Variants in COL21A1 observed in about 807,000 individuals in gnomAD.
The protein encoded by COL21A1 is collagen type XXI alpha 1 chain.
In COL21A1, 149 loss-of-function variants were observed where a neutral mutation model predicts 137.9. The observed-to-expected ratio is 1.08, with a 90% confidence interval of 0.95 to 1.24. The LOEUF is 1.24. Among genes scored for constraint, COL21A1 ranks in the 50% most tolerant of loss-of-function variants. COL21A1 has a pLI of 0.00. For missense variants in COL21A1, 1,167 were observed against 1,158.4 expected (o/e 1.01, Z -0.11); for synonymous variants, 456 against 391.5 (o/e 1.16, Z -1.95).
intron 16 of COL21A1, among the ~76,000 whole-genome samples, chr6:56,108,450 C>T (rs973746402): frequency 1.8e-4 from 27 of 151,832 alleles, no homozygotes; most frequent in African/African-American, 4.8e-4. Flanking sequence ...AAAAAGAAAA[C>T]GTGTAATCCT....
At chr6:56,325,914 A>G (rs1765066386) in intron 1 of COL21A1, among the ~76,000 whole-genome samples, 1 of 52,372 alleles carries the variant, frequency 1.9e-5, no homozygotes, top group Non-Finnish European at 3.0e-5. Context: ...TACATAATAT[A>G]TATTATATAA....
chr6:56,167,445 A>G (rs901290904), intron 6 of COL21A1, among the ~76,000 whole-genome samples: 1 of 152,218 alleles, frequency 6.6e-6, no homozygotes, highest in Non-Finnish European at 1.5e-5. Flanking sequence ...ATGTTTAAAT[A>G]TTTACTACAA....
At chr6:56,085,299 C>T (rs12196632) in intron 17 of COL21A1, among the ~76,000 whole-genome samples, 10,860 of 151,752 alleles carry the variant, frequency 0.072, 430 homozygotes, top group Middle Eastern at 0.12. Context: ...TAAGGATTTA[C>T]CTCTCTCATA....
chr6:56,250,495 G>C (rs1782831033), upstream of COL21A1, among the ~76,000 whole-genome samples: 1 of 152,170 alleles, frequency 6.6e-6, no homozygotes, highest in African/African-American at 2.4e-5. Flanking sequence ...CTGACAGCTT[G>C]AGGAACAACA....
intron 1 of COL21A1, among the ~76,000 whole-genome samples, chr6:56,226,592 G>A (rs938307740): frequency 2.0e-5 from 3 of 151,936 alleles, no homozygotes; most frequent in Admixed American, 2.0e-4. Context: ...CCATTTGGAG[G>A]CCAAAGCTAA....
chr6:56,156,913 C>T lies in COL21A1; in HGVS notation c.1408G>A (p.Gly470Arg), dbSNP rs1775784621. The part of the protein sequence containing the change: ...PGLPGNPGYP[G>R]QPGQDGKPGY... ...GGCTTACCATCTTGACCAGGTTGTC[C>T]AGGGTAGCCAGGGTTCCCAGGCAGT... is the stretch of plus-strand genomic sequence containing the variant. Residue 470 changes from glycine (G) to arginine (R), a missense_variant, in exon 10 of 30, where the codon GGA becomes AGA. Physicochemically the swap from Gly to Arg is moderately radical, Grantham distance 125 (BLOSUM62 -2). Coordinates refer to ENST00000244728, the MANE Select transcript of COL21A1 (RefSeq NM_030820.4). The T allele has an allele frequency of 6.2e-7, 1 of 1,612,188 alleles. No homozygotes were observed. Among genetic ancestry groups the T allele is most frequent in the East Asian group, 2.2e-5 (1 of 44,860 alleles).
rs567907742 is a variant in COL21A1 at position 56,312,918 on chromosome 6, G to A, written c.-39+81053C>T. 3.3e-5 allele frequency among the ~76,000 whole-genome samples: 5 copies of A among 152,268 alleles called. No homozygotes were observed. The South Asian group carries it at 1.0e-3, about 32-fold the overall frequency. On this transcript the variant is annotated intron_variant, in intron 1 of 28. Transcript: ENST00000370819. Reference sequence around the variant, plus strand: ...CAGTAGAAATTGATGTCTTTTACAAGGAGGGTATAGTCCACAGTAGCAAAA... The same window carrying A: ...CAGTAGAAATTGATGTCTTTTACAAAGAGGGTATAGTCCACAGTAGCAAAA...
chr6:56,182,512 C>T lies in COL21A1; in HGVS notation c.88+19G>A, dbSNP rs760429105. On this transcript the variant is annotated intron_variant, in intron 2 of 29. Transcript: ENST00000244728. ...TTAATTTGTTGATAACAAAAAAGGA[C>T]AATGCTGATAGTTCTTACTTGATCT... 13 of 1,508,884 alleles carry T rather than the reference C, an allele frequency of 8.6e-6. No homozygotes were observed. The highest frequency in any genetic ancestry group is 1.4e-5 in the African/African-American group (1 of 72,852). The allele number at this position is 1,508,884 out of a possible 1,614,324, so 93.5% of individuals were successfully genotyped here. A position where few individuals can be genotyped will look rare whatever the true frequency, so the allele number is the denominator to read the frequency against.
At position 56,070,067 on chromosome 6, in the gene COL21A1, C is replaced by T. The variant is rs558438765; in HGVS notation, c.2019+678G>A. On this transcript the variant is annotated intron_variant, in intron 21 of 29. Coordinates refer to ENST00000244728, the MANE Select transcript of COL21A1 (RefSeq NM_030820.4). ...GTCTTAAATAAATTATTTGCAAGCACGTGTTAATAATGCATTGACATATTT... is the reference window on the plus strand; with the variant it reads ...GTCTTAAATAAATTATTTGCAAGCATGTGTTAATAATGCATTGACATATTT... Among the ~76,000 whole-genome samples the T allele has an allele frequency of 2.1e-4, 32 of 151,498 alleles. No homozygotes were observed. In the South Asian group the frequency reaches 6.0e-3, roughly 28 times the overall value.
chr6:56,308,574 A>C (rs1326940035), intron 1 of COL21A1, among the ~76,000 whole-genome samples: 1 of 152,208 alleles, frequency 6.6e-6, no homozygotes, highest in Non-Finnish European at 1.5e-5. Flanking sequence ...GGAACTGGGG[A>C]AATGGGAAAT....
intron 23 of COL21A1, among the ~76,000 whole-genome samples, chr6:56,066,322 G>C (rs951124171): frequency 1.3e-5 from 2 of 151,856 alleles, no homozygotes; most frequent in African/African-American, 2.4e-5. Context: ...TCATTAATAG[G>C]AACTGTTATA....
intron 17 of COL21A1, among the ~76,000 whole-genome samples, chr6:56,083,784 A>G (rs1767992136): frequency 6.6e-6 from 1 of 152,038 alleles, no homozygotes. Context: ...AATAAATGCA[A>G]ATGGACTTAC....
chr6:56,067,535 T>A (rs752547001), intron 22 of COL21A1, among the ~76,000 whole-genome samples: 3 of 151,786 alleles, frequency 2.0e-5, no homozygotes, highest in Non-Finnish European at 2.9e-5. Flanking sequence ...AAGAACACTT[T>A]TGTATGCTCC....
intron 17 of COL21A1, among the ~76,000 whole-genome samples, chr6:56,089,622 A>G (rs1348917001): frequency 6.6e-6 from 1 of 152,190 alleles, no homozygotes; most frequent in Non-Finnish European, 1.5e-5. Flanking sequence ...ACATCAACCC[A>G]TAAAAGTTAG....
intron 17 of COL21A1, among the ~76,000 whole-genome samples, chr6:56,081,831 C>T (rs1767798300): frequency 6.6e-6 from 1 of 151,810 alleles, no homozygotes; most frequent in Non-Finnish European, 1.5e-5. Context: ...ACCCAAATTA[C>T]CCAAAGATAA....
intron 12 of COL21A1, among the ~76,000 whole-genome samples, chr6:56,140,203 G>A (rs1433398502): frequency 6.6e-6 from 1 of 152,088 alleles, no homozygotes; most frequent in Non-Finnish European, 1.5e-5. Flanking sequence ...AGCATTTAAA[G>A]TATTTTTTAG....
chr6:56,221,006 A>G (rs78997127), intron 1 of COL21A1, among the ~76,000 whole-genome samples: 3,310 of 152,228 alleles, frequency 0.022, 122 homozygotes, highest in African/African-American at 0.075. Flanking sequence ...GCCTCTTGTT[A>G]ATTGATATTT....
intron 7 of COL21A1, among the ~76,000 whole-genome samples, chr6:56,166,427 G>A (rs756709009): frequency 5.3e-5 from 8 of 152,162 alleles, no homozygotes; most frequent in Middle Eastern, 3.4e-3. Context: ...TTAGGCCGGC[G>A]AATCACCTGC....
intron 17 of COL21A1, among the ~76,000 whole-genome samples, chr6:56,094,607 C>T (rs953829387): frequency 1.3e-5 from 2 of 152,116 alleles, no homozygotes; most frequent in Non-Finnish European, 1.5e-5. Flanking sequence ...TACTTACTCC[C>T]GGAAACAAAA....
Sources: allele counts gnomAD v4.1 joint callset (sites outside exome capture counted in the v4.1 genomes callset), GRCh38; gene constraint gnomAD v4.1.1; transcripts MANE v1.5; gene names NCBI Gene and HGNC (gene_info 2026-07-23, HGNC 2026-07-21).